CNTFR: variants seen among roughly 807,000 people sequenced by gnomAD.
CNTFR encodes the protein ciliary neurotrophic factor receptor.
Under a neutral mutation model 40.4 loss-of-function variants are expected in CNTFR, and 12 were observed. The ratio of observed to expected loss-of-function variants is 0.30; its 90% confidence interval spans 0.19 to 0.48. CNTFR has a LOEUF of 0.48. Among genes scored for constraint, CNTFR ranks in the 20% least tolerant of loss-of-function variants. The pLI, the probability that CNTFR is intolerant of heterozygous loss-of-function variation, is 0.99. For synonymous variants in CNTFR, 202 were observed against 209.6 expected (o/e 0.96, Z 0.31); for missense variants, 414 against 506.8 (o/e 0.82, Z 1.76).
intron 2 of CNTFR, among the ~76,000 whole-genome samples, chr9:34,576,275 A>G (rs1826957199): frequency 6.6e-6 from 1 of 152,150 alleles, no homozygotes; most frequent in South Asian, 2.1e-4. Context: ...GCGTGCACAC[A>G]TTACAGTCAC....
intron 2 of CNTFR, among the ~76,000 whole-genome samples, chr9:34,578,563 G>A (rs1827114260): frequency 6.6e-6 from 1 of 152,208 alleles, no homozygotes; most frequent in African/African-American, 2.4e-5. Context: ...GGTGAGAGAT[G>A]TGGGACCCGG....
At chr9:34,558,786 C>G (rs886252588) in intron 4 of CNTFR, among the ~76,000 whole-genome samples, 2 of 152,168 alleles carry the variant, frequency 1.3e-5, no homozygotes, top group Non-Finnish European at 2.9e-5. Flanking sequence ...GCTGCCCTCA[C>G]TCTGGAATAG....
intron 2 of CNTFR, among the ~76,000 whole-genome samples, chr9:34,577,476 G>A (rs148208539): frequency 1.6e-3 from 251 of 152,334 alleles, no homozygotes; most frequent in Middle Eastern, 3.4e-3. Context: ...GGAGCCAAAT[G>A]AAATCAGGCA....
chr9:34,559,892 C>T (rs926090189), intron 4 of CNTFR, among the ~76,000 whole-genome samples: 1 of 152,136 alleles, frequency 6.6e-6, no homozygotes, highest in Non-Finnish European at 1.5e-5. Context: ...CCAGGCTCCC[C>T]CACTCCCCGA....
chr9:34,570,104 C>G (rs942044489), intron 2 of CNTFR: 1 of 152,212 alleles, frequency 6.6e-6, no homozygotes, highest in Non-Finnish European at 1.5e-5. Flanking sequence ...CAGAGAAATA[C>G]TGAGGGATGC....
chr9:34,554,168 TCTC>T (rs1229604351), intron 7 of CNTFR, among the ~76,000 whole-genome samples: 2 of 152,072 alleles, frequency 1.3e-5, no homozygotes, highest in Non-Finnish European at 2.9e-5. Context: ...AAGACCCTCT[TCTC>T]CTGGAGCCAG....
At chr9:34,581,499 C>T (rs932112348) in intron 1 of CNTFR, among the ~76,000 whole-genome samples, 4 of 152,230 alleles carry the variant, frequency 2.6e-5, no homozygotes, top group African/African-American at 9.6e-5. Flanking sequence ...AGTTTGCAGA[C>T]ACACAGGCAC....
intron 2 of CNTFR, among the ~76,000 whole-genome samples, chr9:34,578,708 T>C (rs1280784019): frequency 1.3e-5 from 2 of 152,224 alleles, no homozygotes; most frequent in Admixed American, 1.3e-4. Context: ...TATTCTGCCC[T>C]GTGAGGATAA....
rs1360044551 is a variant in CNTFR at position 34,552,287 on chromosome 9, G to A, written c.992C>T (p.Thr331Ile). 5 of 1,545,130 alleles carry A rather than the reference G, an allele frequency of 3.2e-6. No homozygotes were observed. The highest frequency in any genetic ancestry group is 2.0e-5 in the Admixed American group (1 of 51,152). ...CTCCCCAGGGTCACAGATCTTCGTG[G>A]TAGGTGGGGGTGCCAGGGAGCTGGT... is the stretch of plus-strand genomic sequence containing the variant. Reference protein sequence around the residue: ...STTSSLAPPPTTKICDPGELG... With the variant: ...STTSSLAPPPITKICDPGELG... The change falls in exon 9 of 10, where the codon ACC (threonine) becomes ATC (isoleucine). Residue 331 changes from threonine to isoleucine, a missense_variant. Physicochemically the swap from Thr to Ile is moderately conservative, Grantham distance 89 (BLOSUM62 -1). This residue lies in a region of CNTFR where 81 missense variants were observed against 92.2 expected (regional missense o/e 0.88). Coordinates refer to ENST00000378980, the MANE Select transcript of CNTFR (RefSeq NM_147164.3). The surrounding 1 kb of genome is among the most constrained non-coding windows in gnomAD (Gnocchi z 5.1).
intron 2 of CNTFR, among the ~76,000 whole-genome samples, chr9:34,577,467 G>A (rs1225039922): frequency 6.6e-6 from 1 of 152,204 alleles, no homozygotes; most frequent in Non-Finnish European, 1.5e-5. Context: ...TAGGTGGTGG[G>A]AGCCAAATGA....
upstream of CNTFR, among the ~76,000 whole-genome samples, chr9:34,590,466 C>T (rs960082462): frequency 1.3e-5 from 2 of 152,196 alleles, no homozygotes; most frequent in South Asian, 2.1e-4. Context: ...TTGCTACTGC[C>T]CCCCGCAACG....
At chr9:34,586,230 G>A (rs1407803002) in intron 1 of CNTFR, among the ~76,000 whole-genome samples, 2 of 152,178 alleles carry the variant, frequency 1.3e-5, no homozygotes, top group African/African-American at 4.8e-5. Context: ...GCTCTTTTGG[G>A]GAACAGAGTG....
chr9:34,554,813 T>C (rs1156237707), intron 7 of CNTFR, among the ~76,000 whole-genome samples: 1 of 152,172 alleles, frequency 6.6e-6, no homozygotes, highest in Non-Finnish European at 1.5e-5. Context: ...CTGGGGAGAA[T>C]AGACTCTGTT....
intron 4 of CNTFR, among the ~76,000 whole-genome samples, chr9:34,562,325 G>C (rs1187043183): frequency 6.6e-6 from 1 of 152,174 alleles, no homozygotes; most frequent in East Asian, 1.9e-4. Flanking sequence ...GGCTGGTCCT[G>C]CATTTCTCAA....
chr9:34,573,982 G>A (rs959937766), intron 2 of CNTFR, among the ~76,000 whole-genome samples: 1 of 152,232 alleles, frequency 6.6e-6, no homozygotes, highest in Admixed American at 6.5e-5. Context: ...GCTGAGGGGG[G>A]AGCCTGGAAG....
At chr9:34,556,508 T>C (rs1006757149) in intron 6 of CNTFR, 90 bp from the exon 7 acceptor site, 1 of 1,280,616 alleles carries the variant, frequency 7.8e-7, no homozygotes, top group Non-Finnish European at 1.1e-6. Context: ...CCTCTCATAT[T>C]GCCAACCATT....
intron 1 of CNTFR, among the ~76,000 whole-genome samples, chr9:34,588,332 C>T (rs953429051): frequency 2.6e-5 from 4 of 152,194 alleles, no homozygotes; most frequent in Non-Finnish European, 4.4e-5. Context: ...TAATGACACA[C>T]CATCACACCC....
intron 2 of CNTFR, among the ~76,000 whole-genome samples, 193 bp downstream of exon 2, chr9:34,580,902 C>T (rs562384529): frequency 6.6e-6 from 1 of 152,266 alleles, no homozygotes; most frequent in South Asian, 2.1e-4. Flanking sequence ...ACAGGTAAGT[C>T]TCTTCCCTTT....
chr9:34,569,846 T>C (rs1386233297), intron 2 of CNTFR: 1 of 152,304 alleles, frequency 6.6e-6, no homozygotes, highest in East Asian at 1.9e-4. Context: ...AGTGTCCACA[T>C]GCACCCATGC....
Sources: gnomAD v4.1 joint callset for allele counts (sites outside exome capture counted in the v4.1 genomes callset) on GRCh38, gnomAD v4.1.1 for gene constraint, gnomAD v4.1.1 regional missense constraint, Gnocchi (gnomAD v3.1) non-coding constraint, MANE v1.5 for transcripts, NCBI Gene and HGNC (gene_info 2026-07-23, HGNC 2026-07-21) for gene names.